The following OLFM4 variants were observed in gnomAD, a reference collection of about 807,000 sequenced individuals.
OLFM4 encodes the protein olfactomedin 4, also known as olfactomedin-4.
Under a neutral mutation model 25.5 loss-of-function variants are expected in OLFM4, and 22 were observed. That is an observed-to-expected ratio of 0.86 (90% CI 0.62 to 1.23). The LOEUF (loss-of-function observed/expected upper bound fraction) is 1.23, where lower values mean the gene tolerates loss of function less well. OLFM4 is among the 50% of genes most tolerant of loss of function. OLFM4 has a pLI of 0.00. For missense variants in OLFM4, 594 were observed against 619.4 expected (o/e 0.96, Z 0.44); for synonymous variants, 255 against 237.7 (o/e 1.07, Z -0.67).
Position 53,041,936 on chromosome 13 carries a change from T to C in OLFM4, c.384T>C (p.Ser128=). 3 of 1,613,800 alleles carry C rather than the reference T, an allele frequency of 1.9e-6. No individual in the cohort carries two copies. The highest frequency in any genetic ancestry group is 2.5e-6 in the Non-Finnish European group (3 of 1,179,724). The change falls in exon 3 of 5, where the codon AGT becomes AGC. Residue 128 remains serine, a synonymous_variant. Coordinates refer to ENST00000219022, the MANE Select transcript of OLFM4 (RefSeq NM_006418.5). ...TGAGGGAATATGTCCAATTAATTAG[T>C]GTGTATGAAAAGAAACTGTTAAACC... The part of the protein sequence containing the change: ...SKVREYVQLI[S]VYEKKLLNLT...
At chr13:53,046,447 C>T (rs1384973801) in intron 4 of OLFM4, among the ~76,000 whole-genome samples, 1 of 152,186 alleles carries the variant, frequency 6.6e-6, no homozygotes, top group Non-Finnish European at 1.5e-5. Flanking sequence ...GAGGGTTCCT[C>T]AAATTATGTT....
At chr13:53,041,517 G>A (rs2138237271) in intron 2 of OLFM4, among the ~76,000 whole-genome samples, 1 of 152,192 alleles carries the variant, frequency 6.6e-6, no homozygotes, top group African/African-American at 2.4e-5. Flanking sequence ...AAAATCTATT[G>A]GGTGCTAGGT....
At chr13:53,041,074 G>A (rs991943536) in intron 2 of OLFM4, among the ~76,000 whole-genome samples, 5 of 152,056 alleles carry the variant, frequency 3.3e-5, no homozygotes, top group Non-Finnish European at 7.4e-5. Context: ...GTGGTGACTC[G>A]AAGAACTAAA....
chr13:53,040,583 C>T (rs994928684), intron 2 of OLFM4, among the ~76,000 whole-genome samples: 3 of 152,176 alleles, frequency 2.0e-5, no homozygotes, highest in African/African-American at 7.2e-5. Flanking sequence ...ACGATTTTGT[C>T]CCCAGGGAAC....
rs1287059450 is a variant in OLFM4 at position 53,045,307 on chromosome 13, A to G, written c.730+2043A>G. ...CATCCTAGCCCAGCTGTGTTGTTTAAGCAAATTGGACCCAGATTTTTACTC... is the reference window on the plus strand; with the variant it reads ...CATCCTAGCCCAGCTGTGTTGTTTAGGCAAATTGGACCCAGATTTTTACTC... On this transcript the variant is annotated intron_variant, in intron 4 of 4. Transcript: ENST00000219022. Among the ~76,000 whole-genome samples the G allele has an allele frequency of 2.6e-5, 4 of 152,006 alleles. No individual in the cohort carries two copies. In the South Asian group the frequency reaches 6.2e-4, roughly 24 times the overall value.
intron 2 of OLFM4, among the ~76,000 whole-genome samples, chr13:53,038,201 T>C (rs1250166196): frequency 1.3e-5 from 2 of 152,162 alleles, no homozygotes; most frequent in Non-Finnish European, 2.9e-5. Flanking sequence ...CCCTGGTCTT[T>C]AGATGCCAAT....
At chr13:53,038,783 C>T (rs914674313) in intron 2 of OLFM4, among the ~76,000 whole-genome samples, 5 of 152,294 alleles carry the variant, frequency 3.3e-5, no homozygotes, top group East Asian at 1.9e-4. Flanking sequence ...GCATTGTCCA[C>T]GCATTCCCAA....
intron 2 of OLFM4, among the ~76,000 whole-genome samples, chr13:53,039,145 T>G (rs1293540383): frequency 2.0e-5 from 3 of 152,258 alleles, no homozygotes; most frequent in African/African-American, 7.2e-5. Flanking sequence ...TCACTCATTT[T>G]TGTAGAACAA....
At chr13:53,039,488 C>T (rs1954676666) in intron 2 of OLFM4, among the ~76,000 whole-genome samples, 1 of 152,052 alleles carries the variant, frequency 6.6e-6, no homozygotes, top group African/African-American at 2.4e-5. Context: ...ATAAAAATAA[C>T]CATGTAACAA....
intron 2 of OLFM4, among the ~76,000 whole-genome samples, chr13:53,040,485 C>T (rs986381411): frequency 2.6e-5 from 4 of 152,188 alleles, no homozygotes; most frequent in South Asian, 2.1e-4. Context: ...AGAAGGAATT[C>T]GGCATAGCGC....
At chr13:53,044,273 C>T (rs1283866022) in intron 4 of OLFM4, among the ~76,000 whole-genome samples, 1 of 152,188 alleles carries the variant, frequency 6.6e-6, no homozygotes, top group African/African-American at 2.4e-5. Flanking sequence ...TTCAGGTAAA[C>T]TAAAGCCTCT....
At chr13:53,031,095 A>T (rs1376123890) in intron 1 of OLFM4, among the ~76,000 whole-genome samples, 1 of 152,226 alleles carries the variant, frequency 6.6e-6, no homozygotes, top group Non-Finnish European at 1.5e-5. Flanking sequence ...TCTGGTAAAA[A>T]GACAGATATT....
Position 53,043,339 on chromosome 13 carries a change from G to T in OLFM4, c.730+75G>T, listed in dbSNP as rs1171390132. On this transcript the variant is annotated intron_variant, in intron 4 of 4. Transcript: ENST00000219022. Reference sequence around the variant, plus strand: ...TGTGAGTGGGGTGGGGAAGGGATTGGGGATTGCAATGGTGAAAGAAGAAGG... The same window carrying T: ...TGTGAGTGGGGTGGGGAAGGGATTGTGGATTGCAATGGTGAAAGAAGAAGG... 4 of 1,226,940 alleles carry T rather than the reference G, an allele frequency of 3.3e-6. No individual in the cohort carries two copies. The East Asian group carries it at 8.2e-5, about 25-fold the overall frequency. 76.0% of individuals were successfully genotyped at this position (1,226,940 alleles called of 1,614,324 possible). A position where few individuals can be genotyped will look rare whatever the true frequency, so the allele number is the denominator to read the frequency against.
intron 4 of OLFM4, among the ~76,000 whole-genome samples, chr13:53,048,395 G>A (rs145045667): frequency 1.3e-5 from 2 of 152,140 alleles, no homozygotes; most frequent in South Asian, 2.1e-4. Context: ...TTGTATGGTT[G>A]GCTGGCTTTC....
At chr13:53,035,087 T>C (rs1258171329) in intron 2 of OLFM4, among the ~76,000 whole-genome samples, 1 of 151,974 alleles carries the variant, frequency 6.6e-6, no homozygotes, top group Non-Finnish European at 1.5e-5. Context: ...AGATGATCTT[T>C]TTTTCCCTCC....
intron 1 of OLFM4, among the ~76,000 whole-genome samples, chr13:53,033,711 T>C (rs925818101): frequency 2.8e-4 from 42 of 152,304 alleles, no homozygotes; most frequent in African/African-American, 1.0e-3. Context: ...AACTTAGCAC[T>C]CTCATAGCTT....
At chr13:53,042,220 C>G in intron 3 of OLFM4, 98 bp downstream of exon 3, 1 of 1,002,412 alleles carries the variant, frequency 1.0e-6, no homozygotes, top group Non-Finnish European at 1.5e-6. Context: ...TCTCTTCCAA[C>G]TTCTAATTCT....
At chr13:53,034,796 C>G (rs1258529782) in intron 2 of OLFM4, among the ~76,000 whole-genome samples, 1 of 152,166 alleles carries the variant, frequency 6.6e-6, no homozygotes, top group Non-Finnish European at 1.5e-5. Context: ...AAACCCCAAC[C>G]TGCAATTTTT....
chr13:53,035,253 T>C (rs1954652326), intron 2 of OLFM4, among the ~76,000 whole-genome samples: 1 of 151,892 alleles, frequency 6.6e-6, no homozygotes, highest in Non-Finnish European at 1.5e-5. Flanking sequence ...TAAGTTGTAG[T>C]CTCTTTTATT....
Sources: gnomAD v4.1 joint callset for allele counts (sites outside exome capture counted in the v4.1 genomes callset) on GRCh38, gnomAD v4.1.1 for gene constraint, MANE v1.5 for transcripts, NCBI Gene and HGNC (gene_info 2026-07-23, HGNC 2026-07-21) for gene names.